STX17: variants seen among roughly 807,000 people sequenced by gnomAD.
The protein encoded by STX17 is syntaxin-17.
STX17 carries 29 observed loss-of-function variants against 35.9 expected under a neutral mutation model. That is an observed-to-expected ratio of 0.81 (90% CI 0.60 to 1.10). STX17 has a LOEUF of 1.10. STX17 is among the 50% of genes least tolerant of loss of function. The pLI is 0.00. For missense variants in STX17, 312 were observed against 352.3 expected, an observed-to-expected ratio of 0.89 and a Z score of 0.92; for synonymous variants, 92 against 118.3, an observed-to-expected ratio of 0.78 and a Z score of 1.44.
At chr9:99,944,731 G>A (rs1449563681) in intron 3 of STX17, among the ~76,000 whole-genome samples, 1 of 151,990 alleles carries the variant, frequency 6.6e-6, no homozygotes, top group African/African-American at 2.4e-5. Context: ...TGTCAGGCTG[G>A]TCTCAAACTC....
intron 2 of STX17, among the ~76,000 whole-genome samples, chr9:99,926,884 G>A (rs759799777): frequency 1.3e-5 from 2 of 152,126 alleles, no homozygotes; most frequent in African/African-American, 4.8e-5. Context: ...GCAATACTTT[G>A]GAGTATTCTA....
At chr9:99,926,786 C>T (rs889508361) in intron 2 of STX17, among the ~76,000 whole-genome samples, 6 of 152,230 alleles carry the variant, frequency 3.9e-5, no homozygotes, top group Non-Finnish European at 7.3e-5. Flanking sequence ...GCGTGAGCCA[C>T]TGCGCCCAGC....
intron 3 of STX17, among the ~76,000 whole-genome samples, chr9:99,929,339 A>G (rs186974523): frequency 7.9e-4 from 120 of 151,970 alleles, no homozygotes; most frequent in African/African-American, 2.7e-3. Context: ...TCTGTCTACA[A>G]TTAGTATTGC....
chr9:99,944,420 A>AAT (rs1356652857), intron 3 of STX17, among the ~76,000 whole-genome samples: 18 of 151,008 alleles, frequency 1.2e-4, no homozygotes, highest in East Asian at 1.9e-4. Flanking sequence ...TTTCTTTTCT[A>AAT]ATATATATAT....
chr9:99,957,215 G>T (rs1043175763), intron 4 of STX17, among the ~76,000 whole-genome samples: 3 of 152,028 alleles, frequency 2.0e-5, no homozygotes, highest in Non-Finnish European at 2.9e-5. Context: ...TCTTTGCCTA[G>T]TAACCTCAAG....
chr9:99,953,632 C>T (rs947818765), intron 4 of STX17, among the ~76,000 whole-genome samples: 2 of 151,996 alleles, frequency 1.3e-5, no homozygotes, highest in Non-Finnish European at 2.9e-5. Flanking sequence ...ATTAAGGGCT[C>T]ATCTTATGTA....
At chr9:99,947,256 TA>T (rs993934333) in intron 3 of STX17, among the ~76,000 whole-genome samples, 1 of 152,194 alleles carries the variant, frequency 6.6e-6, no homozygotes, top group Non-Finnish European at 1.5e-5. Context: ...GACATTATTT[TA>T]AAATTATAGA....
chr9:99,951,272 C>G lies in STX17; in HGVS notation c.402C>G (p.Ser134=). 6.2e-7 allele frequency: 1 copy of G among 1,612,492 alleles called. No individual in the cohort carries two copies. The highest frequency in any genetic ancestry group is 2.2e-5 in the East Asian group (1 of 44,830). ...TGCTACAGCCTCCTTTGACCAGATC[C>G]ATGACTGTTGGTGGTAATGTATTGT... ...ETLLQPPLTR[S]MTVGGAFHTT... Residue 134 remains serine, a synonymous_variant, in exon 4 of 8, where the codon TCC becomes TCG. Coordinates refer to ENST00000259400, the MANE Select transcript of STX17 (RefSeq NM_017919.3).
chr9:99,910,974 G>A (rs1440656577), intron 1 of STX17, among the ~76,000 whole-genome samples: 1 of 151,942 alleles, frequency 6.6e-6, no homozygotes, highest in Non-Finnish European at 1.5e-5. Context: ...GGCTTCCTGA[G>A]TAGCTGGGAG....
chr9:99,912,315 G>A (rs796621237), intron 1 of STX17, among the ~76,000 whole-genome samples: 3 of 152,052 alleles, frequency 2.0e-5, no homozygotes, highest in African/African-American at 7.2e-5. Context: ...TATTGTAACT[G>A]GGGTGAGATG....
intron 1 of STX17, 23 bp from the exon 2 acceptor site, chr9:99,915,155 T>C: frequency 7.1e-7 from 1 of 1,410,830 alleles, no homozygotes; most frequent in Non-Finnish European, 9.4e-7. Flanking sequence ...GAAAACATTC[T>C]TAAAGAAATA....
intron 2 of STX17, 152 bp downstream of exon 2, chr9:99,915,514 G>C: frequency 1.1e-6 from 1 of 935,094 alleles, no homozygotes; most frequent in Non-Finnish European, 1.5e-6. Flanking sequence ...TTTTTAGCTG[G>C]TTTTTCTGTT....
At chr9:99,958,517 A>C (rs1256208827) in intron 4 of STX17, among the ~76,000 whole-genome samples, 1 of 152,242 alleles carries the variant, frequency 6.6e-6, no homozygotes, top group Non-Finnish European at 1.5e-5. Context: ...TGTGCAAAGT[A>C]AATATCACCT....
chr9:99,959,998 A>G lies in STX17; in HGVS notation c.497A>G (p.Gln166Arg). 10 of 1,614,064 alleles carry G rather than the reference A, an allele frequency of 6.2e-6. No homozygotes were observed. Among genetic ancestry groups the G allele is most frequent in the Non-Finnish European group, 8.5e-6 (10 of 1,179,992 alleles). Residue 166 changes from glutamine to arginine, a missense_variant, in exon 5 of 8, where the codon CAA becomes CGA. Coordinates refer to ENST00000259400, the MANE Select transcript of STX17 (RefSeq NM_017919.3). ...GCCTTACCTGAAATTCCTCAAGATC[A>G]AAATGCTGCAGAATCGTGGGAAACC... The part of the protein sequence containing the change: ...IYALPEIPQD[Q>R]NAAESWETLE...
At position 99,951,086 on chromosome 9, in the gene STX17, T is replaced by G. The variant is rs1193382744; in HGVS notation, c.216T>G (p.Ile72Met). 2 of 1,610,004 alleles carry G rather than the reference T, an allele frequency of 1.2e-6. No individual in the cohort carries two copies. Among genetic ancestry groups the G allele is most frequent in the Non-Finnish European group, 1.7e-6 (2 of 1,177,918 alleles). ...AACTCCGATCCAATATCCGAGAAAT[T>G]GAGAAACTTTGTTTGAAAGTCCGAA... ...VQQLRSNIRE[I>M]EKLCLKVRKD... The change falls in exon 4 of 8, where the codon ATT becomes ATG. Residue 72 changes from isoleucine (I) to methionine (M), a missense_variant. Coordinates refer to ENST00000259400, the MANE Select transcript of STX17 (RefSeq NM_017919.3).
intron 3 of STX17, 152 bp downstream of exon 3, chr9:99,928,995 C>A: frequency 3.3e-6 from 2 of 597,390 alleles, no homozygotes; most frequent in South Asian, 2.5e-5. Context: ...TGCTGAATCA[C>A]ATGCCATACA....
In STX17 at chr9:99,951,248, G is replaced by A. The variant is rs1255974494; in HGVS notation, c.378G>A (p.Leu126=). 6.2e-7 allele frequency: 1 copy of A among 1,612,908 alleles called. No individual in the cohort carries two copies. Among genetic ancestry groups the A allele is most frequent in the South Asian group, 1.1e-5 (1 of 91,056 alleles). ...LKKQFNDEET[L]LQPPLTRSMT... ...AGCAATTTAATGATGAAGAAACTTT[G>A]CTACAGCCTCCTTTGACCAGATCCA... The change falls in exon 4 of 8, where the codon TTG becomes TTA. Residue 126 remains leucine (L), a synonymous_variant. Coordinates refer to ENST00000259400, the MANE Select transcript of STX17 (RefSeq NM_017919.3).
chr9:99,965,337 T>G (rs1310388243), intron 6 of STX17, among the ~76,000 whole-genome samples: 17 of 152,222 alleles, frequency 1.1e-4, no homozygotes. Context: ...TTAGAAAGTA[T>G]TTCCCTGAGG....
intron 2 of STX17, among the ~76,000 whole-genome samples, chr9:99,920,884 CTTGTAATTTG>C (rs1374882149): frequency 6.6e-6 from 1 of 151,884 alleles, no homozygotes; most frequent in Admixed American, 6.6e-5. Flanking sequence ...CCTTATTTTT[CTTGTAATTTG>C]TTGTAATAAG....
Sources: gnomAD v4.1 joint callset for allele counts (sites outside exome capture counted in the v4.1 genomes callset) on GRCh38, gnomAD v4.1.1 for gene constraint, MANE v1.5 for transcripts, NCBI Gene and HGNC (gene_info 2026-07-23, HGNC 2026-07-21) for gene names.